Variants in COL7A1 observed in about 807,000 individuals in gnomAD.
COL7A1 encodes collagen type VII alpha 1 chain.
COL7A1 carries 296 observed loss-of-function variants against 456.2 expected under a neutral mutation model. The observed-to-expected ratio is 0.65, with a 90% CI of 0.59 to 0.71. COL7A1 has a LOEUF of 0.71. Among genes scored for constraint, COL7A1 ranks in the 30% least tolerant of loss-of-function variants. The probability of loss-of-function intolerance (pLI) is 0.00; values close to 1 mark genes in which losing one functional copy is unlikely to be tolerated. For synonymous variants in COL7A1, 1,464 were observed against 1,525.9 expected (o/e 0.96, Z 0.95); for missense variants, 3,441 against 4,017.2 (o/e 0.86, Z 3.88).
rs542298106 is a variant in COL7A1, at chr3:48,567,344, T to A, written c.8047-154A>T. 66 of 1,018,768 alleles carry A rather than the reference T, an allele frequency of 6.5e-5. No homozygotes were observed. The Middle Eastern group carries it at 8.0e-4, about 12-fold the overall frequency. The allele number at this position is 1,018,768 out of a possible 1,614,324, so 63.1% of individuals were successfully genotyped here. A position where few individuals can be genotyped will look rare whatever the true frequency, so the allele number is the denominator to read the frequency against. ...CAGATGTGATCCCCATGACTCCAAC[T>A]CCACTATAGCCCCCTGCCCTGATGC... is the stretch of plus-strand genomic sequence containing the variant. On this transcript the variant is annotated intron_variant, in intron 109 of 118. Coordinates refer to ENST00000681320, the MANE Select transcript of COL7A1 (RefSeq NM_000094.4). This position sits in a 1 kb window ranked among gnomAD's most constrained non-coding sequence, Gnocchi z 4.3.
In COL7A1 at chr3:48,590,127, G is replaced by A. The variant is rs2045584659; in HGVS notation, c.2050+86C>T. On this transcript the variant is annotated intron_variant, in intron 16 of 118. Transcript: ENST00000681320. The surrounding 1 kb of genome is among the most constrained non-coding windows in gnomAD (Gnocchi z 4.6). Reference sequence around the variant, plus strand: ...CTGAAGGGGGAGGCAGGAGTTCTGGGGAGAAGCAAGGGTCTGCAAGGGAAG... The same window carrying A: ...CTGAAGGGGGAGGCAGGAGTTCTGGAGAGAAGCAAGGGTCTGCAAGGGAAG... The A allele has an allele frequency of 7.4e-6, 11 of 1,486,348 alleles. No homozygotes were observed. Among genetic ancestry groups the A allele is most frequent in the Middle Eastern group, 2.3e-4 (1 of 4,300 alleles). 92.1% of individuals were successfully genotyped at this position (1,486,348 alleles called of 1,614,324 possible). A position where few individuals can be genotyped will look rare whatever the true frequency, so the allele number is the denominator to read the frequency against.
Position 48,594,609 on chromosome 3 carries a change from C to G in COL7A1, c.86-61G>C. On this transcript the variant is annotated intron_variant, in intron 2 of 118. Transcript: ENST00000681320. This position sits in a 1 kb window ranked among gnomAD's most constrained non-coding sequence, Gnocchi z 5.5. ...GAGGCCAACCACCCGCCTACCCGCA[C>G]GGTGGCCTCACTGGGACTTGGGATG... The G allele has an allele frequency of 6.6e-7, 1 of 1,519,990 alleles. No homozygotes were observed. 94.2% of individuals were successfully genotyped at this position (1,519,990 alleles called of 1,614,324 possible).
In COL7A1 at chr3:48,587,468, C is replaced by T. The variant is rs752044925; in HGVS notation, c.2944G>A (p.Ala982Thr). 1.2e-6 allele frequency: 2 copies of T among 1,613,272 alleles called. No individual in the cohort carries two copies. Among genetic ancestry groups the T allele is most frequent in the Non-Finnish European group, 1.7e-6 (2 of 1,180,030 alleles). ...VTLAWTPVSR[A>T]SSYILSWRPL... ...CGCCAGGATAGGATGTAGCTGGATG[C>T]CCTGGACACTGGAGTCCAGGCCAAA... Residue 982 changes from alanine (A) to threonine (T), a missense_variant, in exon 23 of 119, where the codon GCA becomes ACA. By Grantham distance (58) the Ala-to-Thr change is moderately conservative. This residue lies in a region of COL7A1 where 444 missense variants were observed against 427.6 expected (regional missense o/e 1.04). Transcript: ENST00000681320. The surrounding 1 kb of genome is among the most constrained non-coding windows in gnomAD (Gnocchi z 6.1).
Position 48,581,453 on chromosome 3 carries a change from G to T in COL7A1, c.4813C>A (p.Pro1605Thr), listed in dbSNP as rs772343130. ...CCAGGGTAACGGGTACTCACTGGGG[G>T]TCCTGCTCTGCCAGTAAGGCCAATG... is the stretch of plus-strand genomic sequence containing the variant. ...GPIGLTGRAG[P>T]PGDSGPPGEK... The change falls in exon 51 of 119, where the codon CCC (proline) becomes ACC (threonine). Residue 1605 changes from proline (P) to threonine (T), a missense_variant. This residue lies in a region of COL7A1 where 2,084 missense variants were observed against 2,501.3 expected (regional missense o/e 0.83). Transcript: ENST00000681320. This position sits in a 1 kb window ranked among gnomAD's most constrained non-coding sequence, Gnocchi z 5.8. 5.0e-6 allele frequency: 8 copies of T among 1,613,940 alleles called. No homozygotes were observed. The highest frequency in any genetic ancestry group is 1.1e-5 in the South Asian group (1 of 91,094).
rs749044141 is a variant in COL7A1 at position 48,588,839 on chromosome 3, G to A, written c.2440+31C>T. On this transcript the variant is annotated intron_variant, in intron 19 of 118. Coordinates refer to ENST00000681320, the MANE Select transcript of COL7A1 (RefSeq NM_000094.4). This position sits in a 1 kb window ranked among gnomAD's most constrained non-coding sequence, Gnocchi z 4.6. ...GTTAGGGGTGAGCAGTCCCAGCCAGGAAGGACAGGGGTGGCGTCAGGGAGC... is the reference window on the plus strand; with the variant it reads ...GTTAGGGGTGAGCAGTCCCAGCCAGAAAGGACAGGGGTGGCGTCAGGGAGC... The A allele has an allele frequency of 1.1e-5, 17 of 1,613,492 alleles. No homozygotes were observed. Among genetic ancestry groups the A allele is most frequent in the Non-Finnish European group, 1.4e-5 (17 of 1,180,040 alleles).
In COL7A1 at chr3:48,591,451, G is replaced by A. The variant is rs957475315; in HGVS notation, c.1636+13C>T. On this transcript the variant is annotated intron_variant, in intron 13 of 118. Transcript: ENST00000681320. This position sits in a 1 kb window ranked among gnomAD's most constrained non-coding sequence, Gnocchi z 7.0. ...AGTGTGTGTGGTGGGGGTGCTGGCT[G>A]CGTCCACCTCACCCTGGGTGCTGCG... The A allele has an allele frequency of 9.3e-6, 15 of 1,612,474 alleles. No homozygotes were observed. Among genetic ancestry groups the A allele is most frequent in the Non-Finnish European group, 1.3e-5 (15 of 1,179,252 alleles).
Position 48,564,644 on chromosome 3 carries a change from T to C in COL7A1, c.8818+139A>G. On this transcript the variant is annotated intron_variant, in intron 118 of 118. Transcript: ENST00000681320. This position sits in a 1 kb window ranked among gnomAD's most constrained non-coding sequence, Gnocchi z 6.0. ...TATATTCAGCTCTTTGGTCTGGGCG[T>C]CTGCCCCAGGTCCCCTACTGCGAGG... 1 of 1,113,370 alleles carries C rather than the reference T, an allele frequency of 9.0e-7. No individual in the cohort carries two copies. The highest frequency in any genetic ancestry group is 2.4e-5 in the Admixed American group (1 of 42,508). 69.0% of individuals were successfully genotyped at this position (1,113,370 alleles called of 1,614,324 possible).
chr3:48,567,981 C>A lies in COL7A1; in HGVS notation c.7876-90G>T. 6.2e-7 allele frequency: 1 copy of A among 1,601,098 alleles called. No individual in the cohort carries two copies. Among genetic ancestry groups the A allele is most frequent in the Non-Finnish European group, 8.6e-7 (1 of 1,168,742 alleles). On this transcript the variant is annotated intron_variant, in intron 106 of 118. Coordinates refer to ENST00000681320, the MANE Select transcript of COL7A1 (RefSeq NM_000094.4). This position sits in a 1 kb window ranked among gnomAD's most constrained non-coding sequence, Gnocchi z 4.3. ...TGAAACTAACTCTCCAAACAGGCCT[C>A]AGCTACTCCAACCTCTGACCCAGTG...
chr3:48,587,314 T>C lies in COL7A1; in HGVS notation c.3015A>G (p.Thr1005=), dbSNP rs2045343690. Residue 1005 remains threonine (T), a synonymous_variant, in exon 24 of 119, where the codon ACA becomes ACG. Coordinates refer to ENST00000681320, the MANE Select transcript of COL7A1 (RefSeq NM_000094.4). The surrounding 1 kb of genome is among the most constrained non-coding windows in gnomAD (Gnocchi z 6.1). ...GCTGGGAGCTTGAGATCCCTGGAAG[T>C]GTCTGCGGGGACCCAGGCACTTCTG... The part of the protein sequence containing the change: ...PGQEVPGSPQ[T]LPGISSSQRV... 4.4e-6 allele frequency: 7 copies of C among 1,601,736 alleles called. No individual in the cohort carries two copies. In the East Asian group the frequency reaches 1.6e-4, roughly 36 times the overall value.
rs1560200754 is a variant in COL7A1, at chr3:48,569,912, G to GCTCTCACA, written c.7488_7489insTGTGAGAG (p.Pro2497CysfsTer22). On this transcript the variant is annotated frameshift_variant, in exon 100 of 119. Coordinates refer to ENST00000681320, the MANE Select transcript of COL7A1 (RefSeq NM_000094.4). LOFTEE classifies it high-confidence loss of function. The surrounding 1 kb of genome is among the most constrained non-coding windows in gnomAD (Gnocchi z 4.9). ...CCACGCTCTCCCCTGCTGCCAGGGG[G>GCTCTCACA]CCCCTGTGTGAGAGAAGGTGACCGT... 1 of 1,614,060 alleles carries GCTCTCACA rather than the reference G, an allele frequency of 6.2e-7. No homozygotes were observed. Among genetic ancestry groups the GCTCTCACA allele is most frequent in the Non-Finnish European group, 8.5e-7 (1 of 1,179,960 alleles).
rs2044053409 is a variant in COL7A1, at chr3:48,573,174, C to T, written c.6714G>A (p.Val2238=). Residue 2238 remains valine, a splice_region_variant and synonymous_variant, in exon 85 of 119, where the codon GTG becomes GTA. Transcript: ENST00000681320. The surrounding 1 kb of genome is among the most constrained non-coding windows in gnomAD (Gnocchi z 5.5). The stretch of plus-strand genomic sequence containing the variant: ...ACAGGGGCCACAGGGACTCACTCAC[C>T]ACAAGGCCTGAAGGGCCGGGGGGTC... ...LPGPPGPSGL[V]GPQGSPGLPG... The T allele has an allele frequency of 1.2e-6, 2 of 1,613,956 alleles. No homozygotes were observed.
In COL7A1 at chr3:48,571,546, C is replaced by T. The variant is rs575637874; in HGVS notation, c.7069-268G>A. On this transcript the variant is annotated intron_variant, in intron 92 of 118. Coordinates refer to ENST00000681320, the MANE Select transcript of COL7A1 (RefSeq NM_000094.4). This position sits in a 1 kb window ranked among gnomAD's most constrained non-coding sequence, Gnocchi z 4.6. ...CAGGGAGCCCACACGCGAGTGCAGACATCTGGCTCCACAGACGTGAGTGCG... is the reference window on the plus strand; with the variant it reads ...CAGGGAGCCCACACGCGAGTGCAGATATCTGGCTCCACAGACGTGAGTGCG... 9.7e-5 allele frequency: 67 copies of T among 693,948 alleles called. No homozygotes were observed. In the African/African-American group the frequency reaches 1.0e-3, roughly 11 times the overall value. The allele number at this position is 693,948 out of a possible 1,614,324, so 43.0% of individuals were successfully genotyped here. A position where few individuals can be genotyped will look rare whatever the true frequency, so the allele number is the denominator to read the frequency against.
chr3:48,577,188 T>C (rs1245860009), intron 65 of COL7A1, among the ~76,000 whole-genome samples, 161 bp from the exon 66 acceptor site: 1 of 152,268 alleles, frequency 6.6e-6, no homozygotes, highest in Non-Finnish European at 1.5e-5. Context: ...AGTGAGCTGC[T>C]ACATGTCTAA....
chr3:48,575,082 G>T lies in COL7A1; in HGVS notation c.6261C>A (p.Pro2087=), dbSNP rs761393259. The part of the protein sequence containing the change: ...PPGLPGTPGP[P]GPPGPKVSVD... Reference sequence around the variant, plus strand: ...TGATCACCTTGGGGCCAGGGGGTCCGGGGGGCCCAGGGGTTCCAGGGAGTC... The same window carrying T: ...TGATCACCTTGGGGCCAGGGGGTCCTGGGGGCCCAGGGGTTCCAGGGAGTC... Residue 2087 remains proline, a synonymous_variant, in exon 76 of 119, where the codon CCC becomes CCA. Transcript: ENST00000681320. This position sits in a 1 kb window ranked among gnomAD's most constrained non-coding sequence, Gnocchi z 6.3. The T allele has an allele frequency of 2.5e-5, 41 of 1,612,808 alleles. No homozygotes were observed. Among genetic ancestry groups the T allele is most frequent in the Non-Finnish European group, 3.2e-5 (38 of 1,179,254 alleles).
At position 48,588,642 on chromosome 3, in the gene COL7A1, G is replaced by A. The variant is rs757643340; in HGVS notation, c.2587C>T (p.Pro863Ser). Residue 863 changes from proline (P) to serine (S), a missense_variant and splice_region_variant, in exon 20 of 119, where the codon CCG becomes TCG. By Grantham distance (74) the Pro-to-Ser change is moderately conservative. Transcript: ENST00000681320. The surrounding 1 kb of genome is among the most constrained non-coding windows in gnomAD (Gnocchi z 4.6). ...GTPVSIVVTT[P>S]PEAPPALGTL... is the part of the protein sequence containing the mutation. The stretch of plus-strand genomic sequence containing the variant: ...GCTCTCCAGCGCATGCTCTGCCTAC[G>A]CGTAGTGACAACAATGGAGACAGGT... 26 of 1,613,684 alleles carry A rather than the reference G, an allele frequency of 1.6e-5. No individual in the cohort carries two copies. The highest frequency in any genetic ancestry group is 5.0e-5 in the Admixed American group (3 of 60,004).
chr3:48,573,950 C>T lies in COL7A1; in HGVS notation c.6502-60G>A. 4 of 1,600,270 alleles carry T rather than the reference C, an allele frequency of 2.5e-6. No homozygotes were observed. The highest frequency in any genetic ancestry group is 2.2e-5 in the East Asian group (1 of 44,472). On this transcript the variant is annotated intron_variant, in intron 80 of 118. Transcript: ENST00000681320. This position sits in a 1 kb window ranked among gnomAD's most constrained non-coding sequence, Gnocchi z 5.5. Reference sequence around the variant, plus strand: ...GGCCTCACTTGGGCCTGTTCCCAACCTCTGGGGGCTTTTTCCTTGGGGGTC... The same window carrying T: ...GGCCTCACTTGGGCCTGTTCCCAACTTCTGGGGGCTTTTTCCTTGGGGGTC...
chr3:48,586,319 G>C lies in COL7A1; in HGVS notation c.3550+13C>G. ...CTATTCCCAGACCCCTTCCCCATCAGCCTACTCCTTACCAGAAGCCTGGGC... is the reference window on the plus strand; with the variant it reads ...CTATTCCCAGACCCCTTCCCCATCACCCTACTCCTTACCAGAAGCCTGGGC... On this transcript the variant is annotated intron_variant, in intron 27 of 118. Coordinates refer to ENST00000681320, the MANE Select transcript of COL7A1 (RefSeq NM_000094.4). The surrounding 1 kb of genome is among the most constrained non-coding windows in gnomAD (Gnocchi z 5.1). 2.5e-6 allele frequency: 4 copies of C among 1,613,850 alleles called. No individual in the cohort carries two copies. The highest frequency in any genetic ancestry group is 3.4e-6 in the Non-Finnish European group (4 of 1,179,974).
Position 48,588,275 on chromosome 3 carries a change from C to T in COL7A1, c.2710+7G>A. On this transcript the variant is annotated splice_region_variant and intron_variant, in intron 21 of 118. Coordinates refer to ENST00000681320, the MANE Select transcript of COL7A1 (RefSeq NM_000094.4). The surrounding 1 kb of genome is among the most constrained non-coding windows in gnomAD (Gnocchi z 4.6). ...GTCCCTAACTTCCTCCTGGGGACACCTCTCACCCTCAGGTTGCCAGTGCAG... is the reference window on the plus strand; with the variant it reads ...GTCCCTAACTTCCTCCTGGGGACACTTCTCACCCTCAGGTTGCCAGTGCAG... The T allele has an allele frequency of 6.2e-7, 1 of 1,612,944 alleles. No individual in the cohort carries two copies. Among genetic ancestry groups the T allele is most frequent in the South Asian group, 1.1e-5 (1 of 91,084 alleles).
In COL7A1 at chr3:48,584,993, TCAGGCAGCGCCCACCCTGACCTG is replaced by T; in HGVS notation, c.3975+20_3975+42del. 6.2e-7 allele frequency: 1 copy of T among 1,613,454 alleles called. No individual in the cohort carries two copies. The highest frequency in any genetic ancestry group is 8.5e-7 in the Non-Finnish European group (1 of 1,179,930). On this transcript the variant is annotated intron_variant, in intron 33 of 118. Transcript: ENST00000681320. ...GAACAGTCGGAGCCACCCCACCCAC[TCAGGCAGCGCCCACCCTGACCTG>T]CAGGACAAGGCTTGCTCACCTTTAG...
Sources: allele counts gnomAD v4.1 joint callset (sites outside exome capture counted in the v4.1 genomes callset), GRCh38; gene constraint gnomAD v4.1.1; regional missense constraint gnomAD v4.1.1; non-coding constraint Gnocchi (gnomAD v3.1); transcripts MANE v1.5; gene names NCBI Gene and HGNC (gene_info 2026-07-23, HGNC 2026-07-21).